CWC25: variants seen among roughly 807,000 people sequenced by gnomAD.
CWC25 encodes pre-mRNA-splicing factor CWC25 homolog.
CWC25 carries 31 observed loss-of-function variants against 54.6 expected under a neutral mutation model. The ratio of observed to expected loss-of-function variants is 0.57; its 90% CI spans 0.43 to 0.77. CWC25 has a LOEUF of 0.77. Ranked by LOEUF, CWC25 falls within the 30% of genes least tolerant of loss-of-function variation. CWC25 has a pLI of 0.00. For missense variants in CWC25, 453 were observed against 529.3 expected (o/e 0.86, Z 1.41); for synonymous variants, 151 against 187.0 (o/e 0.81, Z 1.57).
rs931887640 is a variant in CWC25, at chr17:38,801,350, G to T, written c.*742C>A. ...ACTCCAGATCTCGTCGATAAACCCA[G>T]GCTCCTCCTAAACCAGCCAGATTCA... On this transcript the variant is annotated 3_prime_UTR_variant, in exon 10 of 10. Coordinates refer to ENST00000614790, the MANE Select transcript of CWC25 (RefSeq NM_017748.5). 1 of 152,098 alleles carries T rather than the reference G, an allele frequency of 6.6e-6. No homozygotes were observed. Among genetic ancestry groups the T allele is most frequent in the African/African-American group, 2.4e-5 (1 of 41,434 alleles). The allele number at this position is 152,098 out of a possible 1,614,324, so 9.4% of individuals were successfully genotyped here.
chr17:38,819,650 C>A (rs228255), intron 2 of CWC25, among the ~76,000 whole-genome samples: 1 of 149,618 alleles, frequency 6.7e-6, no homozygotes, highest in Admixed American at 6.7e-5. Flanking sequence ...AGATTACAGG[C>A]GTGAGCCACT....
intron 2 of CWC25, chr17:38,815,513 C>T: frequency 2.0e-6 from 1 of 489,164 alleles, no homozygotes; most frequent in Non-Finnish European, 3.8e-6. Context: ...GATCACGCCA[C>T]TGCACTCCAG....
chr17:38,804,398 G>A (rs796821574), intron 8 of CWC25, among the ~76,000 whole-genome samples: 19 of 152,100 alleles, frequency 1.2e-4, no homozygotes, highest in East Asian at 1.9e-4. Context: ...GGCCGGGCAC[G>A]GTGGCTCACA....
At chr17:38,817,068 C>CA (rs199506372) in intron 2 of CWC25, among the ~76,000 whole-genome samples, 4,709 of 151,184 alleles carry the variant, frequency 0.031, 229 homozygotes, top group African/African-American at 0.11. Flanking sequence ...CAGCTGGGCA[C>CA]GGTGGCTCAC....
intron 1 of CWC25, among the ~76,000 whole-genome samples, chr17:38,821,594 T>C (rs555083605): frequency 1.3e-5 from 2 of 152,166 alleles, no homozygotes; most frequent in South Asian, 4.2e-4. Context: ...AGCTTCAGGA[T>C]AGAACGGGTC....
At chr17:38,805,549 A>G (rs1911200308) in intron 8 of CWC25, among the ~76,000 whole-genome samples, 1 of 152,142 alleles carries the variant, frequency 6.6e-6, no homozygotes, top group Non-Finnish European at 1.5e-5. Flanking sequence ...CCTGGCCTCA[A>G]GCGATCCTCC....
intron 8 of CWC25, among the ~76,000 whole-genome samples, chr17:38,803,742 AAAAC>A (rs1911118464): frequency 1.3e-5 from 2 of 151,824 alleles, no homozygotes; most frequent in Non-Finnish European, 2.9e-5. Flanking sequence ...TTAAAAAAAA[AAAAC>A]AAAAACGATT....
intron 5 of CWC25, among the ~76,000 whole-genome samples, chr17:38,810,015 A>G (rs979046625): frequency 6.6e-6 from 1 of 152,056 alleles, no homozygotes; most frequent in African/African-American, 2.4e-5. Context: ...CTCTCACTTC[A>G]TGCTGCTATT....
intron 2 of CWC25, chr17:38,815,599 T>C: frequency 1.0e-6 from 1 of 971,448 alleles, no homozygotes; most frequent in Non-Finnish European, 1.4e-6. Flanking sequence ...GGCTTACGAG[T>C]GAATGGAGAG....
intron 5 of CWC25, 93 bp downstream of exon 5, chr17:38,810,375 T>G: frequency 7.3e-7 from 1 of 1,362,614 alleles, no homozygotes; most frequent in Non-Finnish European, 9.8e-7. Flanking sequence ...ACCTGGCAGC[T>G]TCCAGCACAG....
At chr17:38,821,422 GT>G (rs1312469360) in intron 1 of CWC25, among the ~76,000 whole-genome samples, 2 of 152,158 alleles carry the variant, frequency 1.3e-5, no homozygotes, top group African/African-American at 4.8e-5. Flanking sequence ...GCTGGGCGTG[GT>G]GGCAGGTGCG....
intron 3 of CWC25, among the ~76,000 whole-genome samples, chr17:38,813,688 C>A (rs1179328359): frequency 6.6e-6 from 1 of 151,890 alleles, no homozygotes; most frequent in Non-Finnish European, 1.5e-5. Context: ...GGACTATAGG[C>A]CCCCACCACC....
rs192534966 is a variant in CWC25 at position 38,801,969 on chromosome 17, T to C, written c.*123A>G. ...TGTTTCAGGACTCAATGAAGCAGGGTCACTTTGAACACTGGTGGTTTGACA... is the reference window on the plus strand; with the variant it reads ...TGTTTCAGGACTCAATGAAGCAGGGCCACTTTGAACACTGGTGGTTTGACA... On this transcript the variant is annotated 3_prime_UTR_variant, in exon 10 of 10. Coordinates refer to ENST00000614790, the MANE Select transcript of CWC25 (RefSeq NM_017748.5). 827 of 598,712 alleles carry C rather than the reference T, an allele frequency of 1.4e-3. 1 individual carries two copies. The highest frequency in any genetic ancestry group is 2.1e-3 in the Non-Finnish European group (702 of 338,008). 37.1% of individuals were successfully genotyped at this position (598,712 alleles called of 1,614,324 possible).
Position 38,821,004 on chromosome 17 carries a change from G to A in CWC25, c.88C>T (p.His30Tyr), listed in dbSNP as rs1911901568. Residue 30 changes from histidine (H) to tyrosine (Y), a missense_variant, in exon 2 of 10, where the codon CAT becomes TAT. By Grantham distance (83) the His-to-Tyr change is moderately conservative. Transcript: ENST00000614790. ...VEKVWKAEQK[H>Y]EAERKKIEEL... ...TCAATCTTCTTCCGCTCAGCCTCAT[G>A]CTTCTGCTCGGCCTTCCACACTTTC... The A allele has an allele frequency of 1.9e-6, 3 of 1,613,928 alleles. No homozygotes were observed. Among genetic ancestry groups the A allele is most frequent in the South Asian group, 1.1e-5 (1 of 91,076 alleles).
Position 38,812,791 on chromosome 17 carries a change from TTACC to T in CWC25, c.498_498+3del. 6.8e-7 allele frequency: 1 copy of T among 1,474,320 alleles called. No homozygotes were observed. Among genetic ancestry groups the T allele is most frequent in the Non-Finnish European group, 9.3e-7 (1 of 1,076,602 alleles). The allele number at this position is 1,474,320 out of a possible 1,614,324, so 91.3% of individuals were successfully genotyped here. A position where few individuals can be genotyped will look rare whatever the true frequency, so the allele number is the denominator to read the frequency against. On this transcript the variant is annotated splice_donor_variant and splice_donor_region_variant and coding_sequence_variant and intron_variant, in exon 4 of 10. Coordinates refer to ENST00000614790, the MANE Select transcript of CWC25 (RefSeq NM_017748.5). LOFTEE classifies it high-confidence loss of function. ...TCTTGGTGCTTATCTGGTATACTAC[TTACC>T]AATTCTTTGATTTTCTTCATTTTCA...
intron 6 of CWC25, among the ~76,000 whole-genome samples, chr17:38,809,390 T>C (rs997832067): frequency 6.8e-6 from 1 of 146,008 alleles, no homozygotes; most frequent in Non-Finnish European, 1.5e-5. Flanking sequence ...ATCGCGCCAC[T>C]GCACTCCAGC....
At chr17:38,802,306 TGTAAAA>T in intron 9 of CWC25, 100 bp from the exon 10 acceptor site, 1 of 751,322 alleles carries the variant, frequency 1.3e-6, no homozygotes, top group Non-Finnish European at 2.2e-6. Flanking sequence ...ATAGAGCAGC[TGTAAAA>T]ACACAACCTC....
In CWC25 at chr17:38,801,353, T is replaced by G. The variant is rs1911015997; in HGVS notation, c.*739A>C. On this transcript the variant is annotated 3_prime_UTR_variant, in exon 10 of 10. Transcript: ENST00000614790. ...CCAGATCTCGTCGATAAACCCAGGC[T>G]CCTCCTAAACCAGCCAGATTCAGAG... 1 of 152,070 alleles carries G rather than the reference T, an allele frequency of 6.6e-6. No individual in the cohort carries two copies. 9.4% of individuals were successfully genotyped at this position (152,070 alleles called of 1,614,324 possible).
In CWC25 at chr17:38,802,969, T is replaced by C. The variant is rs531200154; in HGVS notation, c.1002-108A>G. 4.6e-6 allele frequency: 6 copies of C among 1,308,088 alleles called. No homozygotes were observed. In the South Asian group the frequency reaches 5.3e-5, roughly 12 times the overall value. 81.0% of individuals were successfully genotyped at this position (1,308,088 alleles called of 1,614,324 possible). Reference sequence around the variant, plus strand: ...GACCCCAAGCTCTCCAGTTCACTGCTCTCTCCAAGTGCAAGGCCAGCCTGA... The same window carrying C: ...GACCCCAAGCTCTCCAGTTCACTGCCCTCTCCAAGTGCAAGGCCAGCCTGA... On this transcript the variant is annotated intron_variant, in intron 8 of 9. Coordinates refer to ENST00000614790, the MANE Select transcript of CWC25 (RefSeq NM_017748.5).
Sources: allele counts gnomAD v4.1 joint callset (sites outside exome capture counted in the v4.1 genomes callset), GRCh38; gene constraint gnomAD v4.1.1; transcripts MANE v1.5; gene names NCBI Gene and HGNC (gene_info 2026-07-23, HGNC 2026-07-21).